AHCY: variants seen among roughly 807,000 people sequenced by gnomAD.
AHCY encodes adenosylhomocysteinase, also known as S-adenosyl-L-homocysteine hydrolase.
In AHCY, 24 loss-of-function variants were observed where a neutral mutation model predicts 45.4. That is an observed-to-expected ratio of 0.53 (90% CI 0.38 to 0.74). The LOEUF is 0.74. Among genes scored for constraint, AHCY ranks in the 30% least tolerant of loss-of-function variants. The pLI is 0.00. For synonymous variants in AHCY, 245 were observed against 235.1 expected, an observed-to-expected ratio of 1.04 and a Z score of -0.39; for missense variants, 449 against 594.1, an observed-to-expected ratio of 0.76 and a Z score of 2.54.
chr20:34,303,195 C>G (rs895110175), intron 1 of AHCY, 48 bp downstream of exon 1: 12 of 1,550,390 alleles, frequency 7.7e-6, no homozygotes, highest in Non-Finnish European at 9.6e-6. Context: ...GAACAAGCCC[C>G]GGGCGGGTGC....
chr20:34,278,323 G>A (rs1329339396), downstream of AHCY, among the ~76,000 whole-genome samples: 1 of 152,184 alleles, frequency 6.6e-6, no homozygotes, highest in Admixed American at 6.6e-5. Flanking sequence ...GAGGTGGGGG[G>A]CTACATGGGA....
chr20:34,282,692 T>C (rs1431199224), intron 9 of AHCY, among the ~76,000 whole-genome samples: 1 of 152,158 alleles, frequency 6.6e-6, no homozygotes, highest in African/African-American at 2.4e-5. Flanking sequence ...TGAACCCAGG[T>C]CTATCTGGCT....
At chr20:34,306,671 G>A (rs976152177), upstream of AHCY, among the ~76,000 whole-genome samples, 1 of 152,042 alleles carries the variant, frequency 6.6e-6, no homozygotes, top group Admixed American at 6.6e-5. Context: ...GCCCAGCCAG[G>A]TTCTTTTAAT....
chr20:34,271,948 C>G, the AHCY span, among the ~76,000 whole-genome samples: 10 of 151,032 alleles, frequency 6.6e-5, no homozygotes, highest in Non-Finnish European at 1.3e-4. Context: ...GTGCAAACAA[C>G]AGAAAGAACT....
chr20:34,303,459 C>G, upstream of AHCY: 2 of 811,550 alleles, frequency 2.5e-6, no homozygotes, highest in South Asian at 3.4e-5. Flanking sequence ...GAGGGGATTT[C>G]GATCCCTGAA....
intron 9 of AHCY, among the ~76,000 whole-genome samples, chr20:34,283,690 C>CT (rs1243715363): frequency 6.6e-6 from 1 of 152,216 alleles, no homozygotes; most frequent in African/African-American, 2.4e-5. Context: ...AAGTGAGAAT[C>CT]TTTCAACCCC....
the AHCY span, chr20:34,262,936 G>A: frequency 6.2e-7 from 1 of 1,608,264 alleles, no homozygotes; most frequent in Non-Finnish European, 8.5e-7. Flanking sequence ...GTTGGGGTGA[G>A]ACTGGACTTA....
At chr20:34,298,605 C>T (rs867312244) in intron 1 of AHCY, among the ~76,000 whole-genome samples, 4 of 31,292 alleles carry the variant, frequency 1.3e-4, no homozygotes, top group Non-Finnish European at 2.0e-4. Flanking sequence ...GTGGCGGCGG[C>T]GGGAGGGGGG....
the AHCY span, among the ~76,000 whole-genome samples, chr20:34,257,077 TTTTTTG>T: frequency 1.0e-4 from 15 of 147,156 alleles, no homozygotes; most frequent in African/African-American, 2.9e-4. Context: ...TCTCTTTTTT[TTTTTTG>T]TTTTTTGTTT....
chr20:34,302,922 T>G (rs540189448), intron 1 of AHCY: 1 of 985,234 alleles, frequency 1.0e-6, no homozygotes, highest in African/African-American at 1.7e-5. Flanking sequence ...CCGAGCAGGG[T>G]CCGGCAGGTG....
At chr20:34,297,228 C>T (rs1377029703) in intron 1 of AHCY, among the ~76,000 whole-genome samples, 1 of 151,994 alleles carries the variant, frequency 6.6e-6, no homozygotes, top group African/African-American at 2.4e-5. Context: ...TCCACTGCAC[C>T]GGACCCACTG....
the AHCY span, among the ~76,000 whole-genome samples, chr20:34,232,611 G>C: frequency 3.3e-5 from 5 of 152,194 alleles, no homozygotes; most frequent in Admixed American, 2.6e-4. Flanking sequence ...CCAGTATATA[G>C]TTTAAGGCCA....
At chr20:34,269,474 G>T in the AHCY span, 11 of 392,966 alleles carry the variant, frequency 2.8e-5, no homozygotes, top group Non-Finnish European at 5.0e-5. Flanking sequence ...CCCAGTCACC[G>T]CTGCTGCCGA....
chr20:34,243,906 T>C, the AHCY span, among the ~76,000 whole-genome samples: 4 of 151,620 alleles, frequency 2.6e-5, no homozygotes, highest in Non-Finnish European at 5.9e-5. Context: ...CTACTAAAAA[T>C]ACAAAAAAAT....
At chr20:34,292,269 G>C in intron 4 of AHCY, 89 bp downstream of exon 4, 1 of 1,482,334 alleles carries the variant, frequency 6.7e-7, no homozygotes, top group Non-Finnish European at 9.2e-7. Context: ...TGAGGTGATG[G>C]GAGTCCTGCC....
intron 8 of AHCY, chr20:34,285,899 G>C (rs753533844): frequency 1.8e-5 from 8 of 455,014 alleles, no homozygotes; most frequent in African/African-American, 1.6e-4. Context: ...AGGAGATCGA[G>C]ATTATCTTGG....
the AHCY span, among the ~76,000 whole-genome samples, chr20:34,249,492 C>T: frequency 6.6e-6 from 1 of 152,158 alleles, no homozygotes; most frequent in African/African-American, 2.4e-5. Flanking sequence ...GTCATATGAT[C>T]AGTGTCAACT....
the AHCY span, chr20:34,235,044 T>G: frequency 2.6e-5 from 4 of 152,150 alleles, no homozygotes; most frequent in African/African-American, 7.2e-5. Flanking sequence ...GAAATGAAAT[T>G]TAAAGTAAAA....
chr20:34,288,698 T>A (rs1293584892), intron 8 of AHCY, among the ~76,000 whole-genome samples: 2 of 151,880 alleles, frequency 1.3e-5, no homozygotes, highest in Admixed American at 6.6e-5. Flanking sequence ...GATGAACATC[T>A]CTACATACAT....
Sources: gnomAD v4.1 joint callset for allele counts (sites outside exome capture counted in the v4.1 genomes callset) on GRCh38, gnomAD v4.1.1 for gene constraint, MANE v1.5 for transcripts, NCBI Gene and HGNC (gene_info 2026-07-23, HGNC 2026-07-21) for gene names.